Variants in GRM8 observed in about 807,000 individuals in gnomAD.
GRM8 encodes the protein glutamate metabotropic receptor 8, also known as metabotropic glutamate receptor 8.
A neutral mutation model predicts 87.2 loss-of-function variants in GRM8; 47 were observed. That is an observed-to-expected ratio of 0.54 (90% confidence interval 0.43 to 0.69). The LOEUF is 0.69. Ranked by LOEUF, GRM8 falls within the 30% of genes least tolerant of loss-of-function variation. The probability of loss-of-function intolerance (pLI) is 0.00; values close to 1 mark genes in which losing one functional copy is unlikely to be tolerated. For synonymous variants in GRM8, 396 were observed against 404.5 expected, an observed-to-expected ratio of 0.98 and a Z score of 0.25; for missense variants, 1,019 against 1,139.2, an observed-to-expected ratio of 0.89 and a Z score of 1.52.
At chr7:127,209,178 C>T (rs1040364626) in intron 2 of GRM8, among the ~76,000 whole-genome samples, 2 of 152,174 alleles carry the variant, frequency 1.3e-5, no homozygotes, top group Non-Finnish European at 2.9e-5. Context: ...CAAGACACTA[C>T]ACCTTTAGTT....
chr7:126,793,003 C>T (rs1030456804), intron 6 of GRM8, among the ~76,000 whole-genome samples: 1 of 152,150 alleles, frequency 6.6e-6, no homozygotes, highest in African/African-American at 2.4e-5. Flanking sequence ...ACTTAAACTG[C>T]AGAACACTCT....
In GRM8 at chr7:126,684,247, G is replaced by A. The variant is rs147890975; in HGVS notation, c.1358-74749C>T. 5.0e-3 allele frequency among the ~76,000 whole-genome samples: 766 copies of A among 152,324 alleles called. 27 individuals carry two copies. The highest frequency in any genetic ancestry group is 9.8e-4 in the Non-Finnish European group (67 of 68,036). ...GAAGAGGAAGGCTACTGTAGTCACA[G>A]CAGACTGGGGCTGATGCTAGAATCC... is the stretch of plus-strand genomic sequence containing the variant. On this transcript the variant is annotated intron_variant, in intron 7 of 10. Transcript: ENST00000339582.
intron 3 of GRM8, among the ~76,000 whole-genome samples, chr7:127,047,631 A>G (rs1819063785): frequency 6.6e-6 from 1 of 152,086 alleles, no homozygotes; most frequent in African/African-American, 2.4e-5. Flanking sequence ...GGAGTCTGAG[A>G]CCAGCCTGAA....
At chr7:126,776,019 C>T (rs1819435562) in intron 6 of GRM8, among the ~76,000 whole-genome samples, 1 of 152,102 alleles carries the variant, frequency 6.6e-6, no homozygotes, top group African/African-American at 2.4e-5. Flanking sequence ...GGGGAGATGT[C>T]ACCTCAAATT....
intron 7 of GRM8, among the ~76,000 whole-genome samples, chr7:126,637,203 TGACACCAG>T (rs973111177): frequency 6.6e-6 from 1 of 152,092 alleles, no homozygotes; most frequent in Non-Finnish European, 1.5e-5. Context: ...GAAGGAGTCA[TGACACCAG>T]AAATCTATTT....
At chr7:126,978,844 AC>A (rs1811258072) in intron 3 of GRM8, among the ~76,000 whole-genome samples, 1 of 152,126 alleles carries the variant, frequency 6.6e-6, no homozygotes, top group Non-Finnish European at 1.5e-5. Flanking sequence ...TCTTCAGAAA[AC>A]CCTAAGAGAC....
intron 9 of GRM8, among the ~76,000 whole-genome samples, chr7:126,448,592 A>C (rs1001831603): frequency 1.3e-5 from 2 of 151,982 alleles, no homozygotes; most frequent in Admixed American, 1.3e-4. Flanking sequence ...TGAAAGATGT[A>C]ATAAACACAG....
At chr7:127,028,713 A>T (rs1387428815) in intron 3 of GRM8, among the ~76,000 whole-genome samples, 1 of 151,422 alleles carries the variant, frequency 6.6e-6, no homozygotes, top group African/African-American at 2.4e-5. Flanking sequence ...CATCTATTTG[A>T]TCCTTCTTTC....
intron 9 of GRM8, among the ~76,000 whole-genome samples, chr7:126,449,428 T>C (rs1802377968): frequency 6.6e-6 from 1 of 151,972 alleles, no homozygotes; most frequent in South Asian, 2.1e-4. Flanking sequence ...AGATACAAGA[T>C]AGCTCAAGAA....
chr7:126,713,309 A>C (rs556517117), intron 7 of GRM8, among the ~76,000 whole-genome samples: 10 of 152,260 alleles, frequency 6.6e-5, no homozygotes, highest in African/African-American at 2.4e-4. Flanking sequence ...ACAGGGATGA[A>C]GCTGGGTACC....
At chr7:126,638,731 G>A (rs728601) in intron 7 of GRM8, among the ~76,000 whole-genome samples, 46,859 of 152,086 alleles carry the variant, frequency 0.31, 8,092 homozygotes, top group East Asian at 0.43. Flanking sequence ...TTGCTTCTTA[G>A]GTGTATTTAT....
intron 3 of GRM8, among the ~76,000 whole-genome samples, chr7:127,098,157 A>G (rs192583262): frequency 6.6e-6 from 1 of 152,366 alleles, no homozygotes; most frequent in African/African-American, 2.4e-5. Context: ...TGGTGTTAAT[A>G]TTAATTAAAT....
chr7:126,533,783 AG>A lies in GRM8; in HGVS notation c.1598del (p.Pro533LeufsTer32). The A allele has an allele frequency of 6.2e-7, 1 of 1,614,100 alleles. No homozygotes were observed. Among genetic ancestry groups the A allele is most frequent in the Non-Finnish European group, 8.5e-7 (1 of 1,179,964 alleles). ...CACAGCGTTCACAGTGCCAGCAGCA[AG>A]GGACCCCTTTCACCGTTTTCTTCCT... is the stretch of plus-strand genomic sequence containing the variant. ...GERKKTVKGV[P>X]CCWHCERCEG... On this transcript the variant is annotated frameshift_variant, in exon 9 of 11. Coordinates refer to ENST00000339582, the MANE Select transcript of GRM8 (RefSeq NM_000845.3). LOFTEE classifies it high-confidence loss of function.
chr7:126,826,317 A>C (rs1340982358), intron 6 of GRM8, among the ~76,000 whole-genome samples: 1 of 152,178 alleles, frequency 6.6e-6, no homozygotes, highest in Non-Finnish European at 1.5e-5. Context: ...CAATGGTTGA[A>C]CTAGTTTACA....
At chr7:126,958,834 C>T (rs751802405) in intron 3 of GRM8, among the ~76,000 whole-genome samples, 8 of 152,168 alleles carry the variant, frequency 5.3e-5, no homozygotes, top group Admixed American at 3.3e-4. Flanking sequence ...ACTTCTTCCC[C>T]GCTCTCAATC....
At chr7:126,692,048 A>C (rs1808874896) in intron 7 of GRM8, among the ~76,000 whole-genome samples, 1 of 152,154 alleles carries the variant, frequency 6.6e-6, no homozygotes, top group African/African-American at 2.4e-5. Flanking sequence ...AGAGCTTTGG[A>C]ATTCTGAAGG....
At chr7:126,927,917 T>C (rs1805314137) in intron 3 of GRM8, among the ~76,000 whole-genome samples, 1 of 152,130 alleles carries the variant, frequency 6.6e-6, no homozygotes, top group South Asian at 2.1e-4. Context: ...CACATGTACA[T>C]GTATGTTTAT....
chr7:126,763,218 TTC>T (rs1817782646), intron 7 of GRM8, among the ~76,000 whole-genome samples: 1 of 151,642 alleles, frequency 6.6e-6, no homozygotes, highest in Non-Finnish European at 1.5e-5. Context: ...TTAAAATAAT[TTC>T]TTTTACTGAT....
chr7:126,990,628 A>C (rs1001019417), intron 3 of GRM8, among the ~76,000 whole-genome samples: 1 of 152,234 alleles, frequency 6.6e-6, no homozygotes, highest in African/African-American at 2.4e-5. Flanking sequence ...TACTTAAGAC[A>C]GCCATGGTTT....
Sources: gnomAD v4.1 joint callset for allele counts (sites outside exome capture counted in the v4.1 genomes callset) on GRCh38, gnomAD v4.1.1 for gene constraint, MANE v1.5 for transcripts, NCBI Gene and HGNC (gene_info 2026-07-23, HGNC 2026-07-21) for gene names.